BRD7: variants seen among roughly 807,000 people sequenced by gnomAD.
The protein encoded by BRD7 is bromodomain containing 7.
Under a neutral mutation model 82.1 loss-of-function variants are expected in BRD7, and 15 were observed. The observed-to-expected ratio is 0.18, with a 90% CI of 0.12 to 0.28. The LOEUF (loss-of-function observed/expected upper bound fraction) is 0.28. BRD7 is among the 10% of genes least tolerant of loss of function. The pLI is 1.00. For missense variants in BRD7, 638 were observed against 779.9 expected, an observed-to-expected ratio of 0.82 and a Z score of 2.17; for synonymous variants, 232 against 266.9, an observed-to-expected ratio of 0.87 and a Z score of 1.27.
intron 2 of BRD7, among the ~76,000 whole-genome samples, chr16:50,358,551 A>T (rs2038828679): frequency 6.6e-6 from 1 of 151,900 alleles, no homozygotes; most frequent in South Asian, 2.1e-4. Context: ...CTGTGACCTT[A>T]GGCAATTCAT....
Position 50,335,905 on chromosome 16 carries a change from T to C in BRD7, c.703-1010A>G, listed in dbSNP as rs963203251. 7.2e-5 allele frequency among the ~76,000 whole-genome samples: 11 copies of C among 152,306 alleles called. 1 individual carries two copies. In the Middle Eastern group the frequency reaches 0.017, roughly 235 times the overall value. On this transcript the variant is annotated intron_variant, in intron 6 of 16. Transcript: ENST00000394688. ...TTTTACTGGACTTTTAAAGTAATCT[T>C]AAAACCATTAAAGCGATCTATTTTA...
intron 2 of BRD7, among the ~76,000 whole-genome samples, chr16:50,361,223 T>G (rs922132428): frequency 1.3e-5 from 2 of 152,230 alleles, no homozygotes; most frequent in Non-Finnish European, 2.9e-5. Flanking sequence ...ACTGTTGGAC[T>G]TAGTATAGAT....
intron 2 of BRD7, among the ~76,000 whole-genome samples, chr16:50,364,058 A>G (rs2039043149): frequency 6.6e-6 from 1 of 151,032 alleles, no homozygotes; most frequent in Non-Finnish European, 1.5e-5. Flanking sequence ...ATGGGATCCT[A>G]TCTCAAAAAG....
In BRD7 at chr16:50,326,405, CAG is replaced by C. The variant is rs972264465; in HGVS notation, c.1088-16_1088-15del. The C allele has an allele frequency of 3.3e-6, 5 of 1,538,372 alleles. No individual in the cohort carries two copies. Among genetic ancestry groups the C allele is most frequent in the Non-Finnish European group, 4.4e-6 (5 of 1,135,618 alleles). On this transcript the variant is annotated splice_polypyrimidine_tract_variant and intron_variant, in intron 9 of 16. Transcript: ENST00000394688. ...AGTAGCCTGGCTCTACAACATAAAA[CAG>C]AGCACAGTGAAGGAGGCCTACATGG...
chr16:50,368,018 A>T, intron 2 of BRD7, 72 bp downstream of exon 2: 1 of 1,487,652 alleles, frequency 6.7e-7, no homozygotes, highest in African/African-American at 1.4e-5. Context: ...AGATACAAAG[A>T]AAATAAAATG....
chr16:50,342,831 T>C (rs779808666), intron 5 of BRD7, among the ~76,000 whole-genome samples: 2 of 152,150 alleles, frequency 1.3e-5, no homozygotes, highest in Non-Finnish European at 1.5e-5. Context: ...TAAAACAAAG[T>C]AGAGGTAAAA....
intron 2 of BRD7, among the ~76,000 whole-genome samples, chr16:50,358,420 C>CAGG (rs962894020): frequency 3.4e-5 from 5 of 147,178 alleles, no homozygotes; most frequent in African/African-American, 1.3e-4. Flanking sequence ...GGCTTGAGCC[C>CAGG]AGGAGGTGGA....
At chr16:50,349,658 T>C (rs996720975) in intron 5 of BRD7, 5 of 468,032 alleles carry the variant, frequency 1.1e-5, no homozygotes, top group Non-Finnish European at 2.2e-5. Context: ...TAATACAATA[T>C]GCATATCTCA....
intron 2 of BRD7, among the ~76,000 whole-genome samples, chr16:50,356,085 G>C (rs575309355): frequency 3.0e-4 from 46 of 152,280 alleles, no homozygotes; most frequent in African/African-American, 1.1e-3. Context: ...CTAGAACTTG[G>C]GTAATTATAG....
chr16:50,342,455 C>CTTTTTTT (rs34093559), intron 5 of BRD7, among the ~76,000 whole-genome samples: 53 of 102,926 alleles, frequency 5.1e-4, no homozygotes, highest in East Asian at 1.3e-3. Flanking sequence ...AAGACACTGT[C>CTTTTTTT]TTTTTTTTTT....
intron 13 of BRD7, among the ~76,000 whole-genome samples, chr16:50,321,659 T>C (rs1384000806): frequency 6.6e-6 from 1 of 152,026 alleles, no homozygotes; most frequent in East Asian, 1.9e-4. Context: ...ACATTACTTT[T>C]TAGGAATAGA....
rs577415724 is a variant in BRD7 at position 50,354,337 on chromosome 16, T to A, written c.446+88A>T. ...TTATCATTCACTTTAAAATCACGTA[T>A]GTTTGGAGTTAGGCACAAATGTGGT... On this transcript the variant is annotated intron_variant, in intron 4 of 16. Transcript: ENST00000394688. The A allele has an allele frequency of 2.7e-4, 298 of 1,096,190 alleles. 2 individuals are homozygous for A. The highest frequency in any genetic ancestry group is 2.2e-3 in the Admixed American group (102 of 45,732). The allele number at this position is 1,096,190 out of a possible 1,614,324, so 67.9% of individuals were successfully genotyped here.
Position 50,325,857 on chromosome 16 carries a change from T to A in BRD7, c.1222A>T (p.Ser408Cys). Residue 408 changes from serine (S) to cysteine (C), a missense_variant, in exon 11 of 17, where the codon AGT becomes TGT. Ser to Cys is a moderately radical substitution (Grantham distance 112). Transcript: ENST00000394688. ...PVLYLNYGPY[S>C]SYAPHYDSTF... ...GAGTCATAATGCGGTGCATAAGAAC[T>A]GTAGGGCCCATAATTCAAATATAAC... 6.2e-7 allele frequency: 1 copy of A among 1,605,656 alleles called. No homozygotes were observed. The highest frequency in any genetic ancestry group is 8.5e-7 in the Non-Finnish European group (1 of 1,178,072).
chr16:50,334,686 C>T, intron 7 of BRD7, 25 bp downstream of exon 7: 1 of 1,609,986 alleles, frequency 6.2e-7, no homozygotes, highest in Non-Finnish European at 8.5e-7. Context: ...GACAGTTTGA[C>T]CTTAACATCC....
At chr16:50,342,730 C>T (rs112241676) in intron 5 of BRD7, among the ~76,000 whole-genome samples, 19 of 152,142 alleles carry the variant, frequency 1.2e-4, no homozygotes, top group African/African-American at 1.7e-4. Context: ...CATAAAGACA[C>T]TATCTTATTT....
intron 1 of BRD7, 108 bp from the exon 2 acceptor site, chr16:50,368,406 T>C (rs1400315372): frequency 3.3e-6 from 4 of 1,223,640 alleles, no homozygotes; most frequent in Admixed American, 5.3e-5. Flanking sequence ...CGAGGCGGCT[T>C]TGGGCGCTCC....
At position 50,323,594 on chromosome 16, in the gene BRD7, A is replaced by G. The variant is rs2151135650; in HGVS notation, c.1436T>C (p.Met479Thr). 1 of 1,605,582 alleles carries G rather than the reference A, an allele frequency of 6.2e-7. No homozygotes were observed. Among genetic ancestry groups the G allele is most frequent in the East Asian group, 2.2e-5 (1 of 44,846 alleles). ...CATTAGCAGTGTTCTTACCATCTCC[A>G]TCTCTTGTAGGGTCCTGGAATGCCC... ...KGGHSRTLQE[M>T]EMSLPEDEGH... is the part of the protein sequence containing the mutation. Residue 479 changes from methionine (M) to threonine (T), a missense_variant, in exon 12 of 17, where the codon ATG becomes ACG. Met to Thr is a moderately conservative substitution (Grantham distance 81). Around this residue, in one of 3 missense-constraint regions of BRD7, gnomAD observed 402 missense variants for 500.8 expected, o/e 0.80. Coordinates refer to ENST00000394688, the MANE Select transcript of BRD7 (RefSeq NM_013263.5).
At chr16:50,346,404 A>G (rs1457371064) in intron 5 of BRD7, among the ~76,000 whole-genome samples, 1 of 152,232 alleles carries the variant, frequency 6.6e-6, no homozygotes, top group African/African-American at 2.4e-5. Context: ...GCAGAAGGCA[A>G]GAAATAACTA....
chr16:50,359,990 TA>T (rs1306482029), intron 2 of BRD7, among the ~76,000 whole-genome samples: 2 of 152,224 alleles, frequency 1.3e-5, no homozygotes, highest in Non-Finnish European at 2.9e-5. Context: ...TTCTTCTGAC[TA>T]GATTCTAATT....
Sources: gnomAD v4.1 joint callset for allele counts (sites outside exome capture counted in the v4.1 genomes callset) on GRCh38, gnomAD v4.1.1 for gene constraint, gnomAD v4.1.1 regional missense constraint, MANE v1.5 for transcripts, NCBI Gene and HGNC (gene_info 2026-07-23, HGNC 2026-07-21) for gene names.